APMAP: variants seen among roughly 807,000 people sequenced by gnomAD.
APMAP encodes adipocyte plasma membrane-associated protein.
A neutral mutation model predicts 43.6 loss-of-function variants in APMAP; 33 were observed. That is an observed-to-expected ratio of 0.76 (90% confidence interval 0.57 to 1.01). The LOEUF (loss-of-function observed/expected upper bound fraction) is 1.01, where lower values mean the gene tolerates loss of function less well. APMAP is among the 50% of genes least tolerant of loss of function. The probability of loss-of-function intolerance (pLI) is 0.00; values close to 1 mark genes in which losing one functional copy is unlikely to be tolerated. For synonymous variants in APMAP, 224 were observed against 216.7 expected (o/e 1.03, Z -0.30); for missense variants, 498 against 540.7 (o/e 0.92, Z 0.78).
chr20:24,983,583 G>C (rs548510106), intron 2 of APMAP, among the ~76,000 whole-genome samples: 73 of 152,302 alleles, frequency 4.8e-4, no homozygotes, highest in Non-Finnish European at 8.1e-4. Flanking sequence ...GGTAACTGAA[G>C]CTCCATTTGT....
chr20:24,971,336 G>T, intron 5 of APMAP, 124 bp downstream of exon 5: 1 of 886,510 alleles, frequency 1.1e-6, no homozygotes, highest in Non-Finnish European at 1.7e-6. Flanking sequence ...GTACTGTTCA[G>T]TGAATAAGAA....
At chr20:24,988,003 T>G (rs117290773) in intron 1 of APMAP, among the ~76,000 whole-genome samples, 1 of 152,110 alleles carries the variant, frequency 6.6e-6, no homozygotes, top group Non-Finnish European at 1.5e-5. Flanking sequence ...ACAAAGCATA[T>G]GGAAAGGTGG....
chr20:24,984,721 T>A (rs533059404), intron 1 of APMAP, among the ~76,000 whole-genome samples: 1 of 152,306 alleles, frequency 6.6e-6, no homozygotes, highest in South Asian at 2.1e-4. Context: ...GAATCCTGGG[T>A]GAAGTTTTTG....
Position 24,970,327 on chromosome 20 carries a change from T to C in APMAP, c.583A>G (p.Lys195Glu). Residue 195 changes from lysine to glutamate, a missense_variant, in exon 6 of 9, where the codon AAG (lysine) becomes GAG (glutamate). Physicochemically the swap from Lys to Glu is moderately conservative, Grantham distance 56 (BLOSUM62 1). Coordinates refer to ENST00000217456, the MANE Select transcript of APMAP (RefSeq NM_020531.3). ...AGATCATTCACAAAGGACATGTTCT[T>C]CCCCTCAATGGGTGTCTCGGAGGAC... ...LLSSETPIEG[K>E]NMSFVNDLTV... is the part of the protein sequence containing the mutation. 6.2e-7 allele frequency: 1 copy of C among 1,613,472 alleles called. No homozygotes were observed. The highest frequency in any genetic ancestry group is 8.5e-7 in the Non-Finnish European group (1 of 1,179,776).
At chr20:24,978,742 C>CCCG in intron 3 of APMAP, 25 bp downstream of exon 3, 1 of 1,206,846 alleles carries the variant, frequency 8.3e-7, no homozygotes, top group Non-Finnish European at 1.2e-6. Context: ...TGGAAGGCTC[C>CCCG]CCCCCCACCC....
At chr20:24,975,362 A>G (rs2088042092) in intron 3 of APMAP, among the ~76,000 whole-genome samples, 2 of 152,316 alleles carry the variant, frequency 1.3e-5, no homozygotes, top group South Asian at 4.1e-4. Flanking sequence ...ATATTGACTC[A>G]CCTTCCTTTA....
intron 1 of APMAP, among the ~76,000 whole-genome samples, chr20:24,988,689 C>T (rs1426450202): frequency 6.6e-6 from 1 of 152,208 alleles, no homozygotes; most frequent in Non-Finnish European, 1.5e-5. Context: ...GGTTGTTCCT[C>T]ATGTGCAGCT....
rs796353261 is a variant in APMAP at position 24,962,952 on chromosome 20, T to C, written c.*861A>G. On this transcript the variant is annotated 3_prime_UTR_variant, in exon 9 of 9. Transcript: ENST00000217456. ...AGGTTAATCAGCAGAAGTCGATTTATCGTTATTTATTATCAAAATCATGAC... is the reference window on the plus strand; with the variant it reads ...AGGTTAATCAGCAGAAGTCGATTTACCGTTATTTATTATCAAAATCATGAC... The C allele has an allele frequency of 1.8e-4, 28 of 152,380 alleles. 1 individual carries two copies. Among genetic ancestry groups the C allele is most frequent in the African/African-American group, 6.3e-4 (26 of 41,598 alleles). The allele number at this position is 152,380 out of a possible 1,614,324, so 9.4% of individuals were successfully genotyped here. A position where few individuals can be genotyped will look rare whatever the true frequency, so the allele number is the denominator to read the frequency against.
chr20:24,969,411 T>G (rs1416204332), intron 7 of APMAP, 115 bp downstream of exon 7: 1 of 1,432,120 alleles, frequency 7.0e-7, no homozygotes, highest in Non-Finnish European at 9.4e-7. Flanking sequence ...TAACATGCCA[T>G]GCAGAAGGTG....
rs372180061 is a variant in APMAP, at chr20:24,978,747, CCA to C, written c.328+18_328+19del. On this transcript the variant is annotated intron_variant, in intron 3 of 8. Transcript: ENST00000217456. ...ACAGACAGCCTGGAAGGCTCCCCCCCCACCCAAGCTTAGACTTACCCCCAATA... is the reference window on the plus strand; with the variant it reads ...ACAGACAGCCTGGAAGGCTCCCCCCCCCCAAGCTTAGACTTACCCCCAATA... 8,988 of 1,312,550 alleles carry C rather than the reference CCA, an allele frequency of 6.8e-3. 629 individuals are homozygous for C. In the African/African-American group the frequency reaches 0.12, roughly 18 times the overall value. The allele number at this position is 1,312,550 out of a possible 1,614,324, so 81.3% of individuals were successfully genotyped here.
At chr20:24,964,162 G>C (rs986434251) in intron 8 of APMAP, 140 bp from the exon 9 acceptor site, 1 of 912,590 alleles carries the variant, frequency 1.1e-6, no homozygotes, top group African/African-American at 1.6e-5. Flanking sequence ...GTGCCCCACA[G>C]GACAGCTAAT....
intron 3 of APMAP, among the ~76,000 whole-genome samples, chr20:24,977,788 C>A (rs184257719): frequency 2.0e-5 from 3 of 152,172 alleles, no homozygotes; most frequent in African/African-American, 7.2e-5. Flanking sequence ...CCAAAAAAAG[C>A]TAAAGCTTTT....
Position 24,963,953 on chromosome 20 carries a change from C to T in APMAP, c.1111G>A (p.Gly371Ser), listed in dbSNP as rs767242659. 4.3e-6 allele frequency: 7 copies of T among 1,614,098 alleles called. No homozygotes were observed. In the Admixed American group the frequency reaches 5.0e-5, roughly 12 times the overall value. ...TCATGCAGGCTTCTCCGGAAGGCAC[C>T]GCTGTCGCTGAGTTCTAGGACGAGG... ...YSLVLELSDSGAFRRSLHDPD... is the reference protein window; with the variant it reads ...YSLVLELSDSSAFRRSLHDPD... Residue 371 changes from glycine to serine, a missense_variant, in exon 9 of 9, where the codon GGT (glycine) becomes AGT (serine). Transcript: ENST00000217456.
rs552988654 is a variant in APMAP, at chr20:24,980,490, G to A, written c.213-1608C>T. ...TCACCATAGTCAAGAGGCCATGCTCGGCCTCGGTCACCTCTACACGCTGGG... is the reference window on the plus strand; with the variant it reads ...TCACCATAGTCAAGAGGCCATGCTCAGCCTCGGTCACCTCTACACGCTGGG... On this transcript the variant is annotated intron_variant, in intron 2 of 8. Transcript: ENST00000217456. 7.8e-5 allele frequency among the ~76,000 whole-genome samples: 11 copies of A among 141,302 alleles called. No homozygotes were observed. In the South Asian group the frequency reaches 9.2e-4, roughly 12 times the overall value. 92.7% of individuals were successfully genotyped at this position (141,302 alleles called of 152,430 possible). A position where few individuals can be genotyped will look rare whatever the true frequency, so the allele number is the denominator to read the frequency against.
chr20:24,972,715 G>A (rs2088016402), intron 4 of APMAP, among the ~76,000 whole-genome samples: 1 of 151,594 alleles, frequency 6.6e-6, no homozygotes, highest in Admixed American at 6.6e-5. Flanking sequence ...GTTCACTATA[G>A]GTGCTCACTG....
intron 1 of APMAP, among the ~76,000 whole-genome samples, chr20:24,985,919 A>C (rs1307783957): frequency 6.6e-6 from 1 of 152,234 alleles, no homozygotes; most frequent in Non-Finnish European, 1.5e-5. Flanking sequence ...TGTCACGAGC[A>C]TGGGATTGGA....
rs572480587 is a variant in APMAP at position 24,967,539 on chromosome 20, A to G, written c.1041+1353T>C. 3.3e-5 allele frequency among the ~76,000 whole-genome samples: 5 copies of G among 152,322 alleles called. No homozygotes were observed. In the East Asian group the frequency reaches 9.6e-4, roughly 29 times the overall value. ...GTGGAGGATGACAAATGAACTATGC[A>G]TGAACTAAACAGAAAAACACCTGCT... On this transcript the variant is annotated intron_variant, in intron 8 of 8. Transcript: ENST00000217456.
rs2087909555 is a variant in APMAP at position 24,962,981 on chromosome 20, T to C, written c.*832A>G. ...TATTTATTATCAAAATCATGACCAG[T>C]GTGTAGACATACTTGTGAAAATATA... On this transcript the variant is annotated 3_prime_UTR_variant, in exon 9 of 9. Transcript: ENST00000217456. The C allele has an allele frequency of 6.6e-6, 1 of 152,196 alleles. No homozygotes were observed. Among genetic ancestry groups the C allele is most frequent in the Non-Finnish European group, 1.5e-5 (1 of 68,042 alleles). 9.4% of individuals were successfully genotyped at this position (152,196 alleles called of 1,614,324 possible). A position where few individuals can be genotyped will look rare whatever the true frequency, so the allele number is the denominator to read the frequency against.
intron 1 of APMAP, among the ~76,000 whole-genome samples, chr20:24,992,008 G>C (rs527729513): frequency 2.7e-4 from 41 of 152,302 alleles, no homozygotes; most frequent in South Asian, 1.9e-3. Flanking sequence ...TGTCACTACT[G>C]TTCTCCACTC....
Sources: gnomAD v4.1 joint callset for allele counts (sites outside exome capture counted in the v4.1 genomes callset) on GRCh38, gnomAD v4.1.1 for gene constraint, MANE v1.5 for transcripts, NCBI Gene and HGNC (gene_info 2026-07-23, HGNC 2026-07-21) for gene names.